ZC3H3: variants seen among roughly 807,000 people sequenced by gnomAD.
ZC3H3 encodes zinc finger CCCH-type containing 3, also known as zinc finger CCCH domain-containing protein 3.
In ZC3H3, 36 loss-of-function variants were observed where a neutral mutation model predicts 77.3. The observed-to-expected ratio is 0.47, with a 90% CI of 0.36 to 0.61. ZC3H3 has a LOEUF of 0.61. ZC3H3 is among the 20% of genes least tolerant of loss of function. The pLI, the probability that ZC3H3 is intolerant of heterozygous loss-of-function variation, is 0.00. For missense variants in ZC3H3, 1,331 were observed against 1,312.2 expected, an observed-to-expected ratio of 1.01 and a Z score of -0.22; for synonymous variants, 626 against 555.2, an observed-to-expected ratio of 1.13 and a Z score of -1.79.
chr8:143,484,571 A>C (rs1289537402), intron 4 of ZC3H3: 1 of 153,902 alleles, frequency 6.5e-6, no homozygotes, highest in Non-Finnish European at 1.4e-5. Flanking sequence ...GCTGCAAAAA[A>C]ACAAGTATTA....
intron 4 of ZC3H3, among the ~76,000 whole-genome samples, chr8:143,506,549 G>A (rs988093239): frequency 6.6e-6 from 1 of 152,068 alleles, no homozygotes; most frequent in South Asian, 2.1e-4. Context: ...TAACCTTATC[G>A]AGAGAATAAA....
intron 9 of ZC3H3, among the ~76,000 whole-genome samples, chr8:143,450,803 C>T (rs2129814984): frequency 6.6e-6 from 1 of 152,290 alleles, no homozygotes; most frequent in South Asian, 2.1e-4. Context: ...CAGGCCCCAA[C>T]TCCAACATCG....
intron 9 of ZC3H3, among the ~76,000 whole-genome samples, chr8:143,458,020 A>C (rs1340559651): frequency 1.3e-5 from 2 of 152,214 alleles, no homozygotes; most frequent in African/African-American, 4.8e-5. Context: ...ACAGAAAACC[A>C]AAAGAGAAAA....
chr8:143,467,315 C>T (rs1373192565), intron 8 of ZC3H3, among the ~76,000 whole-genome samples: 7 of 152,212 alleles, frequency 4.6e-5, no homozygotes, highest in South Asian at 2.1e-4. Context: ...CACCCCGCCA[C>T]GTCCACACAA....
chr8:143,486,997 C>T (rs1821075286), intron 4 of ZC3H3, among the ~76,000 whole-genome samples: 1 of 20,392 alleles, frequency 4.9e-5, no homozygotes, highest in Non-Finnish European at 8.5e-5. Context: ...CCCATCACCA[C>T]GAAGCTCACA....
intron 3 of ZC3H3, among the ~76,000 whole-genome samples, chr8:143,516,821 A>C (rs1199340557): frequency 1.3e-5 from 2 of 152,176 alleles, no homozygotes; most frequent in Admixed American, 6.5e-5. Flanking sequence ...CCGGGGATTC[A>C]TCTTTGACAA....
Position 143,460,503 on chromosome 8 carries a change from C to G in ZC3H3, c.2307+5214G>C, listed in dbSNP as rs1376461172. On this transcript the variant is annotated intron_variant, in intron 9 of 11. Coordinates refer to ENST00000262577, the MANE Select transcript of ZC3H3 (RefSeq NM_015117.3). The surrounding 1 kb of genome is among the most constrained non-coding windows in gnomAD (Gnocchi z 4.0). ...GTTCAGCCACAACAGAAAACACTTG[C>G]CGATTCCTCAGAAAGCTAAACACAG... Among the ~76,000 whole-genome samples, 1 of 152,112 alleles carries G rather than the reference C, an allele frequency of 6.6e-6. No individual in the cohort carries two copies. Among genetic ancestry groups the G allele is most frequent in the African/African-American group, 2.4e-5 (1 of 41,424 alleles).
rs1819707532 is a variant in ZC3H3 at position 143,440,357 on chromosome 8, A to C, written c.2499T>G (p.Pro833=). The change falls in exon 11 of 12, where the codon CCT becomes CCG. Residue 833 remains proline (P), a synonymous_variant. Transcript: ENST00000262577. ...RVSASHGPRK[P]SASQRPTRQT... ...GCCTGGTGGGGCGCTGGGATGCTGA[A>C]GGCTTCCTGCAGGGAAGGAAGGGGC... 1 of 1,524,218 alleles carries C rather than the reference A, an allele frequency of 6.6e-7. No individual in the cohort carries two copies. The highest frequency in any genetic ancestry group is 1.4e-5 in the African/African-American group (1 of 72,442). The allele number at this position is 1,524,218 out of a possible 1,614,324, so 94.4% of individuals were successfully genotyped here.
chr8:143,535,038 G>A (rs543112562), intron 3 of ZC3H3, among the ~76,000 whole-genome samples: 8 of 151,954 alleles, frequency 5.3e-5, no homozygotes, highest in Non-Finnish European at 8.8e-5. Flanking sequence ...ATGACGGTAC[G>A]CTTGGCTGGG....
intron 4 of ZC3H3, among the ~76,000 whole-genome samples, chr8:143,489,015 T>C (rs1821124717): frequency 6.6e-6 from 1 of 152,164 alleles, no homozygotes; most frequent in Non-Finnish European, 1.5e-5. Context: ...TCATGCCCCC[T>C]CTGTCCCCCA....
intron 9 of ZC3H3, among the ~76,000 whole-genome samples, chr8:143,450,279 C>T (rs1000630830): frequency 3.3e-5 from 5 of 152,274 alleles, no homozygotes; most frequent in East Asian, 3.9e-4. Flanking sequence ...CCTCCAGGTT[C>T]GACCGATTCT....
intron 9 of ZC3H3, 122 bp from the exon 10 acceptor site, chr8:143,441,242 G>A (rs1016053570): frequency 7.6e-6 from 8 of 1,056,970 alleles, no homozygotes; most frequent in Non-Finnish European, 1.0e-5. Flanking sequence ...CTCCGTCCAA[G>A]TCTTGGGGCC....
At chr8:143,536,906 A>G (rs766104100) in intron 2 of ZC3H3, among the ~76,000 whole-genome samples, 2 of 152,142 alleles carry the variant, frequency 1.3e-5, no homozygotes, top group African/African-American at 2.4e-5. Flanking sequence ...CTTCCTGGAC[A>G]GAGGGAGCTG....
intron 9 of ZC3H3, among the ~76,000 whole-genome samples, chr8:143,452,517 TGACA>T (rs1820014725): frequency 6.6e-6 from 1 of 152,198 alleles, no homozygotes; most frequent in South Asian, 2.1e-4. Flanking sequence ...GCGCCAACGC[TGACA>T]GACAGGGCGT....
rs2924506 is a variant in ZC3H3 at position 143,509,322 on chromosome 8, T to C, written c.1562-1423A>G. 8.3e-3 allele frequency among the ~76,000 whole-genome samples: 1,269 copies of C among 152,352 alleles called. 9 individuals are homozygous for C. The highest frequency in any genetic ancestry group is 0.029 in the African/African-American group (1,202 of 41,582). On this transcript the variant is annotated intron_variant, in intron 3 of 11. Coordinates refer to ENST00000262577, the MANE Select transcript of ZC3H3 (RefSeq NM_015117.3). ...GAGAACGTAAGAAGTCCTTAAGTTA[T>C]CAATAACCCCGAGGTGACCTCACCA... is the stretch of plus-strand genomic sequence containing the variant.
intron 9 of ZC3H3, among the ~76,000 whole-genome samples, chr8:143,448,000 T>C (rs1365776262): frequency 6.6e-6 from 1 of 152,140 alleles, no homozygotes; most frequent in South Asian, 2.1e-4. Flanking sequence ...TGGTGGTGCA[T>C]GCCTGTAATC....
intron 3 of ZC3H3, among the ~76,000 whole-genome samples, chr8:143,511,129 C>T (rs550927948): frequency 6.1e-4 from 93 of 152,254 alleles, no homozygotes; most frequent in Non-Finnish European, 1.2e-3. Flanking sequence ...GCCCTCAGGC[C>T]GGGGACCAGG....
rs769302732 is a variant in ZC3H3, at chr8:143,538,576, C to A, written c.791G>T (p.Arg264Ile). Residue 264 changes from arginine to isoleucine, a missense_variant, in exon 2 of 12, where the codon AGA becomes ATA. Around this residue, in one of 3 missense-constraint regions of ZC3H3, gnomAD observed 978 missense variants for 915.5 expected, o/e 1.07. Transcript: ENST00000262577. ...SCAPQLLGDR[R>I]VDAGHTDQPV... ...CTGATCTGTGTGGCCAGCATCTACTCTCCTGTCCCCAAGGAGCTGTGGAGC... is the reference window on the plus strand; with the variant it reads ...CTGATCTGTGTGGCCAGCATCTACTATCCTGTCCCCAAGGAGCTGTGGAGC... 1 of 1,610,952 alleles carries A rather than the reference C, an allele frequency of 6.2e-7. No homozygotes were observed. The highest frequency in any genetic ancestry group is 1.3e-5 in the African/African-American group (1 of 75,086).
At chr8:143,520,200 G>A (rs1822196056) in intron 3 of ZC3H3, among the ~76,000 whole-genome samples, 2 of 152,232 alleles carry the variant, frequency 1.3e-5, no homozygotes, top group Non-Finnish European at 2.9e-5. Context: ...CCATGAGAAA[G>A]AGGCAGGTGG....
Sources: gnomAD v4.1 joint callset for allele counts (sites outside exome capture counted in the v4.1 genomes callset) on GRCh38, gnomAD v4.1.1 for gene constraint, gnomAD v4.1.1 regional missense constraint, Gnocchi (gnomAD v3.1) non-coding constraint, MANE v1.5 for transcripts, NCBI Gene and HGNC (gene_info 2026-07-23, HGNC 2026-07-21) for gene names.